Variants in SPRY3 observed in about 807,000 individuals in gnomAD.
SPRY3 encodes the protein sprouty RTK signaling antagonist 3.
SPRY3 carries 15 observed loss-of-function variants against 20.2 expected under a neutral mutation model. That is an observed-to-expected ratio of 0.74 (90% CI 0.50 to 1.14). The LOEUF (loss-of-function observed/expected upper bound fraction) is 1.14, where lower values mean the gene tolerates loss of function less well. SPRY3 is among the 50% of genes most tolerant of loss of function. SPRY3 has a pLI of 0.00. For synonymous variants in SPRY3, 143 were observed against 136.5 expected, an observed-to-expected ratio of 1.05 and a Z score of -0.33; for missense variants, 364 against 363.9, an observed-to-expected ratio of 1.00 and a Z score of 0.00.
chrX:155,633,625 C>G (rs1056828429), intron 1 of SPRY3, among the ~76,000 whole-genome samples: 1 of 110,985 alleles, frequency 9.0e-6, no homozygotes, highest in African/African-American at 3.3e-5. Context: ...TCTGAGAACC[C>G]ACATTATTAC....
At chrX:155,768,528 A>C (rs1478166224) in intron 3 of SPRY3, among the ~76,000 whole-genome samples, 2 of 152,210 alleles carry the variant, frequency 1.3e-5, no homozygotes, top group Non-Finnish European at 2.9e-5. Flanking sequence ...CTGGCTGCCC[A>C]GCGGGCATCC....
chrX:155,667,306 G>T (rs1362650018), intron 2 of SPRY3, among the ~76,000 whole-genome samples: 1 of 111,024 alleles, frequency 9.0e-6, no homozygotes, highest in Non-Finnish European at 1.9e-5. Flanking sequence ...AAATGGAAAT[G>T]CTTAAATGCT....
intron 2 of SPRY3, among the ~76,000 whole-genome samples, chrX:155,709,371 G>T (rs903087041): frequency 2.0e-5 from 3 of 151,480 alleles, no homozygotes; most frequent in Admixed American, 6.6e-5. Context: ...TTTTAAGTGG[G>T]GCGAGAGGAG....
chrX:155,685,483 G>T (rs1329304814), intron 2 of SPRY3, among the ~76,000 whole-genome samples: 6 of 108,263 alleles, frequency 5.5e-5, no homozygotes, highest in South Asian at 4.0e-4. Context: ...GTGTCATAAG[G>T]GTTTGTTGTA....
At chrX:155,781,614 C>T (rs700454), downstream of SPRY3, 167,048 of 167,060 alleles carry the variant, frequency 1, 83,518 homozygotes, top group Middle Eastern at 1. Flanking sequence ...ACCCTATTCC[C>T]CCTCTGAGCC....
chrX:155,763,294 C>T (rs967115722), intron 2 of SPRY3, among the ~76,000 whole-genome samples: 4 of 152,086 alleles, frequency 2.6e-5, no homozygotes, highest in African/African-American at 7.2e-5. Flanking sequence ...TGACCTCCCC[C>T]TTCCAACTTC....
At chrX:155,758,047 C>T (rs1023736851) in intron 2 of SPRY3, among the ~76,000 whole-genome samples, 5 of 152,116 alleles carry the variant, frequency 3.3e-5, no homozygotes, top group African/African-American at 1.2e-4. Flanking sequence ...CAGTATTAGG[C>T]CATTTTGGCT....
chrX:155,769,900 A>AG (rs1297261547), intron 3 of SPRY3, among the ~76,000 whole-genome samples: 3 of 152,166 alleles, frequency 2.0e-5, no homozygotes, highest in Non-Finnish European at 4.4e-5. Flanking sequence ...GGTATTTGTA[A>AG]GGGGGGAGTG....
exon 3 of SPRY3, chrX:155,768,037 G>C (rs1191197562): frequency 2.6e-5 from 4 of 152,238 alleles, no homozygotes; most frequent in Non-Finnish European, 5.9e-5. Context: ...TTTCCGAAGA[G>C]AGGTGGAGAA....
chrX:155,661,232 A>G (rs1486257791), intron 2 of SPRY3, among the ~76,000 whole-genome samples: 1 of 111,847 alleles, frequency 8.9e-6, no homozygotes, highest in Non-Finnish European at 1.9e-5. Context: ...TAGCGGTGAC[A>G]AATTTCTTTA....
chrX:155,739,572 G>A (rs1255786941), intron 2 of SPRY3, among the ~76,000 whole-genome samples: 1 of 152,176 alleles, frequency 6.6e-6, no homozygotes, highest in Non-Finnish European at 1.5e-5. Flanking sequence ...ACCAGCATCA[G>A]GTCGGTGACC....
chrX:155,767,742 GGAGGAGGAGGAGA>G (rs1349551431), intron 2 of SPRY3: 1 of 128,436 alleles, frequency 7.8e-6, no homozygotes, highest in African/African-American at 2.7e-5. Context: ...AGGAGAGAGA[GGAGGAGGAGGAGA>G]GAGAGGAGGA....
At chrX:155,623,732 G>T (rs1336884759) in intron 1 of SPRY3, among the ~76,000 whole-genome samples, 2 of 112,179 alleles carry the variant, frequency 1.8e-5, no homozygotes, top group Non-Finnish European at 3.8e-5. Context: ...GAACTTGCAG[G>T]TGGTTTATTT....
At chrX:155,616,777 T>G (rs2067855230) in intron 1 of SPRY3, among the ~76,000 whole-genome samples, 1 of 110,855 alleles carries the variant, frequency 9.0e-6, no homozygotes, top group African/African-American at 3.3e-5. Context: ...ATTTTCTCAG[T>G]TTTCCTGGGG....
Position 155,774,857 on chromosome X carries a change from G to T in SPRY3, c.*119G>T. 3 of 1,184,944 alleles carry T rather than the reference G, an allele frequency of 2.5e-6. No individual in the cohort carries two copies. The South Asian group carries it at 4.5e-5, about 18-fold the overall frequency. The allele number at this position is 1,184,944 out of a possible 1,614,324, so 73.4% of individuals were successfully genotyped here. On this transcript the variant is annotated 3_prime_UTR_variant, in exon 4 of 4. Transcript: ENST00000675360. The stretch of plus-strand genomic sequence containing the variant: ...TAGCCAAAGTTAGGGCCTCTCTTTT[G>T]TTCCTGCAGTGTCAGGGGAATGACC...
At chrX:155,740,510 C>T (rs911731003) in intron 2 of SPRY3, among the ~76,000 whole-genome samples, 8 of 152,042 alleles carry the variant, frequency 5.3e-5, no homozygotes, top group Admixed American at 6.6e-5. Flanking sequence ...TATAGACAGC[C>T]GCTCTGGGAG....
chrX:155,650,675 T>C (rs1192464260), intron 1 of SPRY3, among the ~76,000 whole-genome samples: 2 of 111,761 alleles, frequency 1.8e-5, no homozygotes, highest in Admixed American at 1.9e-4. Context: ...ACCACCTTGC[T>C]CTCCCTTCAG....
chrX:155,768,290 G>T (rs2091357732), intron 3 of SPRY3, among the ~76,000 whole-genome samples, 154 bp downstream of exon 2: 1 of 152,058 alleles, frequency 6.6e-6, no homozygotes. Flanking sequence ...AAAATAAAAT[G>T]AAAACCCTTT....
exon 4 of SPRY3, chrX:155,774,780 C>G (rs2091412757): frequency 6.4e-7 from 1 of 1,569,200 alleles, no homozygotes; most frequent in Admixed American, 1.8e-5. Context: ...CCTTCGAGTC[C>G]CCAACAGCAA....
Sources: allele counts gnomAD v4.1 joint callset (sites outside exome capture counted in the v4.1 genomes callset), GRCh38; gene constraint gnomAD v4.1.1; transcripts MANE v1.5; gene names NCBI Gene and HGNC (gene_info 2026-07-23, HGNC 2026-07-21).